Variants in MSANTD1 observed in about 807,000 individuals in gnomAD.
MSANTD1 encodes Myb/SANT DNA binding domain containing 1.
MSANTD1 carries 7 observed loss-of-function variants against 24.2 expected under a neutral mutation model. That is an observed-to-expected ratio of 0.29 (90% CI 0.16 to 0.54). The LOEUF (loss-of-function observed/expected upper bound fraction) is 0.54. Ranked by LOEUF, MSANTD1 falls within the 20% of genes least tolerant of loss-of-function variation. The probability of loss-of-function intolerance (pLI) is 0.94; values close to 1 mark genes in which losing one functional copy is unlikely to be tolerated. For missense variants in MSANTD1, 384 were observed against 408.2 expected (o/e 0.94, Z 0.51); for synonymous variants, 177 against 181.1 (o/e 0.98, Z 0.18).
At chr4:3,244,561 A>G (rs1721961374), upstream of MSANTD1, 1 of 152,218 alleles carries the variant, frequency 6.6e-6, no homozygotes, top group African/African-American at 2.4e-5. Context: ...TCCTGTCTGA[A>G]CCAGCGCCTA....
intron 2 of MSANTD1, among the ~76,000 whole-genome samples, chr4:3,254,259 G>T (rs948282006): frequency 1.3e-5 from 2 of 152,252 alleles, no homozygotes; most frequent in Non-Finnish European, 2.9e-5. Context: ...CTGACAGGAG[G>T]TGTCAGAAAA....
At chr4:3,253,543 A>C in intron 2 of MSANTD1, 61 bp downstream of exon 2, 3 of 1,426,024 alleles carry the variant, frequency 2.1e-6, no homozygotes, top group Non-Finnish European at 1.8e-6. Context: ...CATTTAGAGA[A>C]AGGGACTGGG....
intron 1 of MSANTD1, among the ~76,000 whole-genome samples, chr4:3,251,110 G>T (rs1469485141): frequency 2.0e-5 from 3 of 152,254 alleles, no homozygotes; most frequent in Non-Finnish European, 4.4e-5. Context: ...GTGTGAGCCT[G>T]GGTATCTTCA....
In MSANTD1 at chr4:3,249,367, G is replaced by C. The variant is rs747088669; in HGVS notation, c.145G>C (p.Ala49Pro). The change falls in exon 1 of 3, where the codon GCC becomes CCC. Residue 49 changes from alanine to proline, a missense_variant. By Grantham distance (27) the Ala-to-Pro change is conservative. Coordinates refer to ENST00000438480, the MANE Select transcript of MSANTD1 (RefSeq NM_001042690.2). ...KHRRARNWTD[A>P]EMRGLMLVWE... is the part of the protein sequence containing the mutation. ...CCGGCGGGCCCGCAACTGGACGGACGCCGAGATGCGCGGCCTCATGCTGGT... is the reference window on the plus strand; with the variant it reads ...CCGGCGGGCCCGCAACTGGACGGACCCCGAGATGCGCGGCCTCATGCTGGT... The C allele has an allele frequency of 4.5e-6, 7 of 1,565,466 alleles. No individual in the cohort carries two copies. The Admixed American group carries it at 1.3e-4, about 30-fold the overall frequency.
At chr4:3,249,986 G>T (rs1303894480) in intron 1 of MSANTD1, among the ~76,000 whole-genome samples, 2 of 152,250 alleles carry the variant, frequency 1.3e-5, no homozygotes, top group Non-Finnish European at 2.9e-5. Flanking sequence ...CTCAGCAGGG[G>T]TTTCAGGGGC....
upstream of MSANTD1, among the ~76,000 whole-genome samples, chr4:3,245,824 C>T (rs953555609): frequency 1.3e-5 from 2 of 152,204 alleles, no homozygotes; most frequent in Non-Finnish European, 2.9e-5. Context: ...GGCCGGCTTT[C>T]TCCACCCTAC....
rs1290400344 is a variant in MSANTD1 at position 3,252,052 on chromosome 4, C to T, written c.321-1155C>T. Among the ~76,000 whole-genome samples the T allele has an allele frequency of 3.9e-5, 6 of 152,366 alleles. No homozygotes were observed. The East Asian group carries it at 1.2e-3, about 29-fold the overall frequency. ...CTTATTGTTTCCAACGGCCAATGGC[C>T]ACACCCTGGCAGGTAGCAAGAGTAG... On this transcript the variant is annotated intron_variant, in intron 1 of 2. Transcript: ENST00000438480.
At chr4:3,246,091 C>T (rs967569478), upstream of MSANTD1, among the ~76,000 whole-genome samples, 1 of 152,224 alleles carries the variant, frequency 6.6e-6, no homozygotes, top group Admixed American at 6.5e-5. Context: ...TCTACCCTGC[C>T]CCAGCGGCGG....
rs771593466 is a variant in MSANTD1 at position 3,249,198 on chromosome 4, C to A, written c.-25C>A. 8.8e-6 allele frequency: 12 copies of A among 1,363,642 alleles called. 1 individual carries two copies. The highest frequency in any genetic ancestry group is 5.4e-4 in the Middle Eastern group (2 of 3,702). 84.5% of individuals were successfully genotyped at this position (1,363,642 alleles called of 1,614,324 possible). A position where few individuals can be genotyped will look rare whatever the true frequency, so the allele number is the denominator to read the frequency against. On this transcript the variant is annotated 5_prime_UTR_variant, in exon 1 of 3. Transcript: ENST00000438480. The stretch of plus-strand genomic sequence containing the variant: ...TTTTGAGCGTGGAGCTGCCTTCGAG[C>A]GAGCGTGAGCGGCGCCTCCCGCCCA...
At chr4:3,247,541 CTG>C (rs1722068184), upstream of MSANTD1, 1 of 152,230 alleles carries the variant, frequency 6.6e-6, no homozygotes, top group African/African-American at 2.4e-5. Context: ...ACAGAGCTCT[CTG>C]TGCCAGCCCC....
At chr4:3,251,698 T>TC (rs897660730) in intron 1 of MSANTD1, among the ~76,000 whole-genome samples, 2 of 151,596 alleles carry the variant, frequency 1.3e-5, no homozygotes, top group African/African-American at 2.4e-5. Flanking sequence ...TTTTTCTTTT[T>TC]TTTTTTTTTA....
intron 2 of MSANTD1, 34 bp downstream of exon 2, chr4:3,253,516 G>A (rs1578635411): frequency 6.8e-7 from 1 of 1,470,952 alleles, no homozygotes. Context: ...CCTGCCCTGG[G>A]GTATCTCAGC....
chr4:3,247,531 A>G (rs148642480), upstream of MSANTD1: 2 of 152,276 alleles, frequency 1.3e-5, no homozygotes, highest in Non-Finnish European at 2.9e-5. Flanking sequence ...CAGGCACTCC[A>G]CAGAGCTCTC....
At chr4:3,255,087 C>T (rs113271052) in intron 2 of MSANTD1, among the ~76,000 whole-genome samples, 11 of 152,332 alleles carry the variant, frequency 7.2e-5, no homozygotes, top group African/African-American at 2.6e-4. Context: ...AAGGGTGCTC[C>T]CTGGCAGGAT....
At position 3,249,508 on chromosome 4, in the gene MSANTD1, A is replaced by G; in HGVS notation, c.286A>G (p.Lys96Glu). 1 of 1,611,776 alleles carries G rather than the reference A, an allele frequency of 6.2e-7. No individual in the cohort carries two copies. Among genetic ancestry groups the G allele is most frequent in the Non-Finnish European group, 8.5e-7 (1 of 1,179,554 alleles). ...CGAGCGCAGGCTGGGCGAGGAGATC[A>G]AGATCAAGATCACCAACATGACCTT... Reference protein sequence around the residue: ...TGERRLGEEIKIKITNMTFQY... With the variant: ...TGERRLGEEIEIKITNMTFQY... The change falls in exon 1 of 3, where the codon AAG becomes GAG. Residue 96 changes from lysine (K) to glutamate (E), a missense_variant. Physicochemically the swap from Lys to Glu is moderately conservative, Grantham distance 56 (BLOSUM62 1). Coordinates refer to ENST00000438480, the MANE Select transcript of MSANTD1 (RefSeq NM_001042690.2).
upstream of MSANTD1, among the ~76,000 whole-genome samples, chr4:3,247,165 T>C (rs937231662): frequency 2.0e-5 from 3 of 152,014 alleles, no homozygotes; most frequent in African/African-American, 7.2e-5. Context: ...CTCCCCAGGG[T>C]TCTGGGAGGG....
rs57255888 is a variant in MSANTD1, at chr4:3,251,114, A to G, written c.320+1572A>G. Reference sequence around the variant, plus strand: ...TGAGGGCTGAGGTGTGAGCCTGGGTATCTTCAGAGGTTCGGTGGACACAGG... The same window carrying G: ...TGAGGGCTGAGGTGTGAGCCTGGGTGTCTTCAGAGGTTCGGTGGACACAGG... On this transcript the variant is annotated intron_variant, in intron 1 of 2. Transcript: ENST00000438480. Among the ~76,000 whole-genome samples, 1,458 of 152,274 alleles carry G rather than the reference A, an allele frequency of 9.6e-3. 27 individuals are homozygous for G. The highest frequency in any genetic ancestry group is 0.033 in the African/African-American group (1,391 of 41,546).
chr4:3,249,375 G>T lies in MSANTD1; in HGVS notation c.153G>T (p.Met51Ile). 6.3e-7 allele frequency: 1 copy of T among 1,575,536 alleles called. No homozygotes were observed. The highest frequency in any genetic ancestry group is 8.6e-7 in the Non-Finnish European group (1 of 1,161,342). The change falls in exon 1 of 3, where the codon ATG becomes ATT. Residue 51 changes from methionine (M) to isoleucine (I), a missense_variant. Physicochemically the swap from Met to Ile is conservative, Grantham distance 10. Transcript: ENST00000438480. Reference sequence around the variant, plus strand: ...CCCGCAACTGGACGGACGCCGAGATGCGCGGCCTCATGCTGGTCTGGGAGG... The same window carrying T: ...CCCGCAACTGGACGGACGCCGAGATTCGCGGCCTCATGCTGGTCTGGGAGG... ...RRARNWTDAE[M>I]RGLMLVWEEF...
chr4:3,249,638 T>G lies in MSANTD1; in HGVS notation c.320+96T>G. On this transcript the variant is annotated intron_variant, in intron 1 of 2. Transcript: ENST00000438480. ...CTTGGAGCTCTGAGTCGGGACGATG[T>G]GTGGGTCGTGGCCTGCCTGTCGGTC... 6.4e-6 allele frequency: 8 copies of G among 1,248,188 alleles called. No individual in the cohort carries two copies. The South Asian group carries it at 1.2e-4, about 18-fold the overall frequency. 77.3% of individuals were successfully genotyped at this position (1,248,188 alleles called of 1,614,324 possible).
Sources: allele counts gnomAD v4.1 joint callset (sites outside exome capture counted in the v4.1 genomes callset), GRCh38; gene constraint gnomAD v4.1.1; transcripts MANE v1.5; gene names NCBI Gene and HGNC (gene_info 2026-07-23, HGNC 2026-07-21).